ANXA10: variants seen among roughly 807,000 people sequenced by gnomAD.
ANXA10 encodes the protein annexin A10.
ANXA10 carries 49 observed loss-of-function variants against 53.5 expected under a neutral mutation model. The observed-to-expected ratio is 0.92, with a 90% CI of 0.73 to 1.16. The LOEUF (loss-of-function observed/expected upper bound fraction) is 1.16, where lower values mean the gene tolerates loss of function less well. ANXA10 is among the 50% of genes most tolerant of loss of function. The pLI, the probability that ANXA10 is intolerant of heterozygous loss-of-function variation, is 0.00. For missense variants in ANXA10, 393 were observed against 394.4 expected (o/e 1.00, Z 0.03); for synonymous variants, 131 against 128.9 (o/e 1.02, Z -0.11).
At chr4:168,183,513 C>T (rs893220182) in intron 10 of ANXA10, among the ~76,000 whole-genome samples, 1 of 152,154 alleles carries the variant, frequency 6.6e-6, no homozygotes, top group Non-Finnish European at 1.5e-5. Flanking sequence ...TACCTTGATT[C>T]CAATTATGCA....
intron 3 of ANXA10, among the ~76,000 whole-genome samples, chr4:168,152,706 G>C (rs976212447): frequency 2.0e-5 from 3 of 149,980 alleles, no homozygotes; most frequent in African/African-American, 4.9e-5. Flanking sequence ...TAATAAATAA[G>C]TAAATTACAT....
chr4:168,159,311 CAT>C (rs953181599), intron 3 of ANXA10, among the ~76,000 whole-genome samples: 5 of 152,226 alleles, frequency 3.3e-5, no homozygotes, highest in South Asian at 2.1e-4. Flanking sequence ...TTTGAATACA[CAT>C]GTTTGTGTCT....
chr4:168,155,903 TCA>T (rs1305504108), intron 3 of ANXA10, among the ~76,000 whole-genome samples: 1,668 of 29,652 alleles, frequency 0.056, 185 homozygotes, highest in Non-Finnish European at 0.07. Flanking sequence ...ATATGATATA[TCA>T]TATATTATAT....
At chr4:168,133,336 G>T (rs1731185036) in intron 2 of ANXA10, among the ~76,000 whole-genome samples, 2 of 151,992 alleles carry the variant, frequency 1.3e-5, no homozygotes, top group Non-Finnish European at 2.9e-5. Context: ...AAAATGTATT[G>T]ATCTCTGCAC....
chr4:168,147,319 A>T (rs1731422115), intron 3 of ANXA10, among the ~76,000 whole-genome samples: 1 of 152,220 alleles, frequency 6.6e-6, no homozygotes, highest in Non-Finnish European at 1.5e-5. Flanking sequence ...GTCCAATAGC[A>T]GGCCAGTAGC....
chr4:168,172,697 T>C (rs932706738), intron 6 of ANXA10, among the ~76,000 whole-genome samples: 4 of 152,016 alleles, frequency 2.6e-5, no homozygotes, highest in African/African-American at 9.7e-5. Flanking sequence ...AGGTGGATTA[T>C]ATAAAATATT....
At chr4:168,099,099 C>T (rs553868460) in intron 1 of ANXA10, among the ~76,000 whole-genome samples, 2 of 152,194 alleles carry the variant, frequency 1.3e-5, no homozygotes, top group African/African-American at 4.8e-5. Flanking sequence ...AGCACTTTAA[C>T]CACAGCAGAT....
chr4:168,157,991 G>A (rs2149476468), intron 3 of ANXA10, among the ~76,000 whole-genome samples: 1 of 152,250 alleles, frequency 6.6e-6, no homozygotes, highest in African/African-American at 2.4e-5. Context: ...TTAAATATAT[G>A]TTTAAACTCA....
chr4:168,138,265 A>T (rs895020314), intron 2 of ANXA10, among the ~76,000 whole-genome samples: 4 of 151,902 alleles, frequency 2.6e-5, no homozygotes, highest in Non-Finnish European at 5.9e-5. Context: ...CTGGCCATTA[A>T]CTTTTTAATA....
intron 2 of ANXA10, among the ~76,000 whole-genome samples, chr4:168,133,126 G>T (rs1731180455): frequency 6.6e-6 from 1 of 151,940 alleles, no homozygotes; most frequent in African/African-American, 2.4e-5. Context: ...TTTATGCTTT[G>T]CTTGGTGATT....
intron 5 of ANXA10, among the ~76,000 whole-genome samples, chr4:168,164,617 GA>G (rs1247292106): frequency 2.0e-5 from 3 of 152,032 alleles, no homozygotes; most frequent in African/African-American, 7.2e-5. Context: ...CCAGCATATA[GA>G]AAAAATAAGG....
intron 10 of ANXA10, among the ~76,000 whole-genome samples, chr4:168,183,121 A>G (rs1732293336): frequency 1.3e-5 from 2 of 152,318 alleles, no homozygotes; most frequent in Admixed American, 1.3e-4. Flanking sequence ...AAATAATCCA[A>G]TAATACAGTA....
At chr4:168,177,844 G>T (rs770091222) in intron 7 of ANXA10, 46 bp from the exon 8 acceptor site, 1 of 1,613,918 alleles carries the variant, frequency 6.2e-7, no homozygotes, top group South Asian at 1.1e-5. Flanking sequence ...GGTTAAAATG[G>T]GCTGGAGTGG....
intron 11 of ANXA10, among the ~76,000 whole-genome samples, chr4:168,186,844 G>A (rs926732391): frequency 6.6e-6 from 1 of 151,880 alleles, no homozygotes; most frequent in Non-Finnish European, 1.5e-5. Context: ...ATTATACATT[G>A]CTTCTCAGTT....
intron 3 of ANXA10, among the ~76,000 whole-genome samples, chr4:168,149,583 T>TA (rs1382355298): frequency 1.3e-5 from 2 of 152,152 alleles, no homozygotes; most frequent in African/African-American, 4.8e-5. Context: ...TTTGTTTCTT[T>TA]AGGGAGAATC....
chr4:168,160,438 C>T (rs1006447207), intron 3 of ANXA10, among the ~76,000 whole-genome samples: 19 of 152,130 alleles, frequency 1.2e-4, no homozygotes, highest in African/African-American at 4.6e-4. Flanking sequence ...ATATGTACCA[C>T]ATTTTCTTTA....
chr4:168,184,463 G>T, intron 10 of ANXA10, 96 bp from the exon 11 acceptor site: 1 of 1,433,238 alleles, frequency 7.0e-7, no homozygotes, highest in Non-Finnish European at 9.6e-7. Flanking sequence ...TCAGGAAGAA[G>T]AGAAAATGAC....
chr4:168,166,179 T>A (rs938965293), intron 6 of ANXA10, among the ~76,000 whole-genome samples: 1 of 152,152 alleles, frequency 6.6e-6, no homozygotes, highest in Non-Finnish European at 1.5e-5. Flanking sequence ...AGCTCTATGA[T>A]TGTCTGAAGA....
intron 11 of ANXA10, 109 bp downstream of exon 11, chr4:168,184,790 T>G: frequency 7.0e-7 from 1 of 1,421,944 alleles, no homozygotes; most frequent in Non-Finnish European, 9.6e-7. Context: ...AAGTTAACTA[T>G]TCAGACAGGG....
Sources: gnomAD v4.1 joint callset for allele counts (sites outside exome capture counted in the v4.1 genomes callset) on GRCh38, gnomAD v4.1.1 for gene constraint, MANE v1.5 for transcripts, NCBI Gene and HGNC (gene_info 2026-07-23, HGNC 2026-07-21) for gene names.